The following FAAH2 variants were observed in gnomAD, a reference collection of about 807,000 sequenced individuals.
FAAH2 encodes fatty acid amide hydrolase 2.
A neutral mutation model predicts 36.9 loss-of-function variants in FAAH2; 60 were observed. The ratio of observed to expected loss-of-function variants is 1.63; its 90% CI spans 1.32 to 2.02. FAAH2 has a LOEUF of 2.02. FAAH2 is among the 30% of genes most tolerant of loss of function. The pLI is 0.00. For missense variants in FAAH2, 689 were observed against 397.5 expected, an observed-to-expected ratio of 1.73 and a Z score of -6.23; for synonymous variants, 214 against 143.8, an observed-to-expected ratio of 1.49 and a Z score of -3.49.
chrX:57,383,588 A>C (rs1048243846), intron 7 of FAAH2, among the ~76,000 whole-genome samples: 2 of 111,965 alleles, frequency 1.8e-5, no homozygotes, highest in Non-Finnish European at 3.8e-5. Context: ...TTCAAAGAGA[A>C]TAAAATACCT....
intron 3 of FAAH2, among the ~76,000 whole-genome samples, chrX:57,322,080 G>A (rs970315453): frequency 1.9e-4 from 21 of 108,916 alleles, no homozygotes; most frequent in African/African-American, 6.7e-4. Context: ...TCAGCTCACT[G>A]CAAGCTCTGC....
intron 7 of FAAH2, among the ~76,000 whole-genome samples, chrX:57,413,176 C>T (rs2055747318): frequency 8.9e-6 from 1 of 111,797 alleles, no homozygotes; most frequent in African/African-American, 3.3e-5. Context: ...TGTAGGTTGC[C>T]TGTTCTCTCT....
intron 2 of FAAH2, among the ~76,000 whole-genome samples, chrX:57,301,392 C>A (rs1478145340): frequency 1.0e-5 from 1 of 96,716 alleles, no homozygotes; most frequent in Non-Finnish European, 2.0e-5. Flanking sequence ...TGTTCTCACT[C>A]ATAGGTGGGA....
the FAAH2 span, among the ~76,000 whole-genome samples, chrX:57,202,499 T>G: frequency 8.9e-6 from 1 of 111,895 alleles, no homozygotes; most frequent in Non-Finnish European, 1.9e-5. Context: ...GGAGTTTCTC[T>G]CTCTGTTTTA....
intron 4 of FAAH2, among the ~76,000 whole-genome samples, chrX:57,338,671 A>C (rs1283050419): frequency 9.0e-6 from 1 of 111,386 alleles, no homozygotes; most frequent in African/African-American, 3.3e-5. Flanking sequence ...TTGCTACAAA[A>C]GAATACGATA....
At chrX:57,393,212 G>A (rs1245813091) in intron 7 of FAAH2, 2 of 1,199,243 alleles carry the variant, frequency 1.7e-6, no homozygotes, top group East Asian at 3.0e-5. Context: ...AAACATTCTG[G>A]CATTTTCAGT....
intron 8 of FAAH2, among the ~76,000 whole-genome samples, chrX:57,442,680 A>G (rs1439599258): frequency 8.9e-6 from 1 of 111,930 alleles, no homozygotes; most frequent in Non-Finnish European, 1.9e-5. Context: ...TTTGCTCATT[A>G]GTTGATGCAG....
chrX:57,125,901 C>A, the FAAH2 span, among the ~76,000 whole-genome samples: 1 of 111,891 alleles, frequency 8.9e-6, no homozygotes, highest in East Asian at 2.8e-4. Context: ...TTTGTAATGA[C>A]TTCAAACTAC....
the FAAH2 span, among the ~76,000 whole-genome samples, chrX:57,201,739 A>G: frequency 9.0e-6 from 1 of 111,213 alleles, no homozygotes; most frequent in Admixed American, 9.6e-5. Context: ...TTCTACCCAT[A>G]TCTGTTACAG....
chrX:57,261,965 G>T, the FAAH2 span, among the ~76,000 whole-genome samples: 1 of 107,428 alleles, frequency 9.3e-6, no homozygotes, highest in Non-Finnish European at 1.9e-5. Flanking sequence ...TGCTGAAAGA[G>T]AAGAATTAAG....
At chrX:57,368,405 C>T (rs2054472419) in intron 5 of FAAH2, among the ~76,000 whole-genome samples, 2 of 111,113 alleles carry the variant, frequency 1.8e-5, no homozygotes, top group Non-Finnish European at 3.8e-5. Flanking sequence ...GAGAACCAGC[C>T]TGGTGTCCTG....
chrX:57,259,125 C>T, the FAAH2 span, among the ~76,000 whole-genome samples: 8 of 111,458 alleles, frequency 7.2e-5, no homozygotes, highest in East Asian at 2.3e-3. Context: ...GTAGTGAAAA[C>T]AGATCTCTTA....
chrX:57,308,656 T>C (rs1047809658), intron 2 of FAAH2, among the ~76,000 whole-genome samples: 8 of 111,838 alleles, frequency 7.2e-5, no homozygotes, highest in Non-Finnish European at 1.5e-4. Flanking sequence ...ACCTGAAATA[T>C]ATCATTAATT....
the FAAH2 span, among the ~76,000 whole-genome samples, chrX:57,198,175 G>A: frequency 9.0e-6 from 1 of 111,513 alleles, no homozygotes; most frequent in Non-Finnish European, 1.9e-5. Context: ...AGGGCAGCTA[G>A]GAAAAGATCA....
At chrX:57,404,917 C>G (rs888561813) in intron 7 of FAAH2, among the ~76,000 whole-genome samples, 2 of 111,969 alleles carry the variant, frequency 1.8e-5, no homozygotes, top group African/African-American at 6.5e-5. Flanking sequence ...TGACAGCTTT[C>G]TGCCTCTAGT....
intron 2 of FAAH2, among the ~76,000 whole-genome samples, chrX:57,305,042 T>A (rs2052481069): frequency 1.1e-5 from 1 of 88,607 alleles, no homozygotes; most frequent in Admixed American, 1.4e-4. Flanking sequence ...TATTCTTCCT[T>A]AAGGTGTGAT....
At chrX:57,132,732 T>C in the FAAH2 span, among the ~76,000 whole-genome samples, 2 of 112,627 alleles carry the variant, frequency 1.8e-5, no homozygotes, top group Admixed American at 9.4e-5. Context: ...AGTGATCCTG[T>C]AAAACTAAGA....
the FAAH2 span, among the ~76,000 whole-genome samples, chrX:57,248,473 G>A: frequency 9.0e-6 from 1 of 111,200 alleles, no homozygotes; most frequent in Non-Finnish European, 1.9e-5. Context: ...AATAATGTGG[G>A]CCAGGCATGG....
the FAAH2 span, among the ~76,000 whole-genome samples, chrX:57,129,225 A>AT: frequency 1.2e-3 from 129 of 111,211 alleles, no homozygotes; most frequent in African/African-American, 4.1e-3. Flanking sequence ...CTTTATAAGG[A>AT]TTTTTTTCTT....
Sources: allele counts gnomAD v4.1 joint callset (sites outside exome capture counted in the v4.1 genomes callset), GRCh38; gene constraint gnomAD v4.1.1; transcripts MANE v1.5; gene names NCBI Gene and HGNC (gene_info 2026-07-23, HGNC 2026-07-21).